Variants in PDPR observed in about 807,000 individuals in gnomAD.
The protein encoded by PDPR is pyruvate dehydrogenase phosphatase regulatory subunit, also known as pyruvate dehydrogenase phosphatase regulatory subunit, mitochondrial.
PDPR carries 50 observed loss-of-function variants against 102.2 expected under a neutral mutation model. The ratio of observed to expected loss-of-function variants is 0.49; its 90% CI spans 0.39 to 0.62. The LOEUF (loss-of-function observed/expected upper bound fraction) is 0.62, where lower values mean the gene tolerates loss of function less well. PDPR is among the 20% of genes least tolerant of loss of function. The probability of loss-of-function intolerance (pLI) is 0.00; values close to 1 mark genes in which losing one functional copy is unlikely to be tolerated. For synonymous variants in PDPR, 259 were observed against 406.0 expected (o/e 0.64, Z 4.35); for missense variants, 625 against 1,098.2 (o/e 0.57, Z 6.09).
intron 16 of PDPR, among the ~76,000 whole-genome samples, 184 bp from the exon 17 acceptor site, chr16:70,148,280 G>A (rs1419072288): frequency 1.3e-5 from 2 of 152,266 alleles, no homozygotes; most frequent in African/African-American, 4.8e-5. Context: ...CACATAGGCA[G>A]TGCTCCATTC....
Position 70,120,675 on chromosome 16 carries a change from C to T in PDPR, c.183C>T (p.Leu61=). The part of the protein sequence containing the change: ...GITGTSVAYH[L]SKMGWKDIVL... Reference sequence around the variant, plus strand: ...CGGGCACTTCTGTGGCCTATCACCTCTCCAAAATGGGGTGGAAGGATATTG... The same window carrying T: ...CGGGCACTTCTGTGGCCTATCACCTTTCCAAAATGGGGTGGAAGGATATTG... Residue 61 remains leucine, a synonymous_variant, in exon 3 of 19, where the codon CTC becomes CTT. Transcript: ENST00000288050. 1 of 1,613,282 alleles carries T rather than the reference C, an allele frequency of 6.2e-7. No homozygotes were observed. The highest frequency in any genetic ancestry group is 1.1e-5 in the South Asian group (1 of 91,050).
intron 2 of PDPR, among the ~76,000 whole-genome samples, chr16:70,119,528 C>T (rs1597288058): frequency 6.7e-6 from 1 of 149,354 alleles, no homozygotes; most frequent in East Asian, 1.9e-4. Context: ...CATCTCCCCA[C>T]ACTCCCCGTG....
In PDPR at chr16:70,120,654, C is replaced by T. The variant is rs1963149777; in HGVS notation, c.162C>T (p.Gly54=). The T allele has an allele frequency of 6.2e-7, 1 of 1,613,884 alleles. No individual in the cohort carries two copies. Among genetic ancestry groups the T allele is most frequent in the Non-Finnish European group, 8.5e-7 (1 of 1,179,796 alleles). Residue 54 remains glycine, a synonymous_variant, in exon 3 of 19, where the codon GGC becomes GGT. Coordinates refer to ENST00000288050, the MANE Select transcript of PDPR (RefSeq NM_017990.5). ...QVVICGGGIT[G]TSVAYHLSKM... ...TCATCTGTGGAGGTGGAATCACGGG[C>T]ACTTCTGTGGCCTATCACCTCTCCA...
chr16:70,162,114 C>T lies in PDPR; in HGVS notation c.*5235C>T, dbSNP rs1163380466. ...GGTGTGTGGGTTCCCATCCGCCCCA[C>T]ATAGCCTCTCCTTCTTCGGAACAAT... On this transcript the variant is annotated 3_prime_UTR_variant, in exon 19 of 19. Transcript: ENST00000288050. The T allele has an allele frequency of 2.6e-5, 4 of 152,526 alleles. No individual in the cohort carries two copies. The highest frequency in any genetic ancestry group is 5.9e-5 in the Non-Finnish European group (4 of 68,208). The allele number at this position is 152,526 out of a possible 1,614,324, so 9.4% of individuals were successfully genotyped here.
chr16:70,155,518 G>C (rs1237112079), intron 18 of PDPR, among the ~76,000 whole-genome samples: 1 of 152,268 alleles, frequency 6.6e-6, no homozygotes, highest in Non-Finnish European at 1.5e-5. Context: ...GGAGGCTGAA[G>C]TGGGAGAATC....
intron 18 of PDPR, 55 bp from the exon 19 acceptor site, chr16:70,156,420 C>G (rs892819979): frequency 6.9e-6 from 11 of 1,592,882 alleles, no homozygotes; most frequent in African/African-American, 4.0e-5. Context: ...GTGCTGCTCT[C>G]TGTGCCGAGG....
intron 9 of PDPR, among the ~76,000 whole-genome samples, 189 bp from the exon 10 acceptor site, chr16:70,136,005 G>A (rs1965094665): frequency 6.6e-6 from 1 of 151,996 alleles, no homozygotes; most frequent in East Asian, 1.9e-4. Flanking sequence ...GGAGGCAGAG[G>A]TTGCAGTGAG....
Position 70,132,150 on chromosome 16 carries a change from G to C in PDPR, c.848-1G>C, listed in dbSNP as rs374717983. The C allele has an allele frequency of 1.9e-6, 3 of 1,609,952 alleles. No homozygotes were observed. Among genetic ancestry groups the C allele is most frequent in the Non-Finnish European group, 2.5e-6 (3 of 1,176,496 alleles). ...CACTCCATGTCATTTCTCCACCTCAGCTATTGTGGATGCTGATGGAAGAAT... is the reference window on the plus strand; with the variant it reads ...CACTCCATGTCATTTCTCCACCTCACCTATTGTGGATGCTGATGGAAGAAT... On this transcript the variant is annotated splice_acceptor_variant, in intron 8 of 18. Coordinates refer to ENST00000288050, the MANE Select transcript of PDPR (RefSeq NM_017990.5). LOFTEE classifies it high-confidence loss of function.
Position 70,156,902 on chromosome 16 carries a change from C to T in PDPR, c.*23C>T. Reference sequence around the variant, plus strand: ...TGATGCCACCAGGGCAGCCTCACCTCCTCCCCATCATCTTGTCCTAGAGTG... The same window carrying T: ...TGATGCCACCAGGGCAGCCTCACCTTCTCCCCATCATCTTGTCCTAGAGTG... On this transcript the variant is annotated 3_prime_UTR_variant, in exon 19 of 19. Coordinates refer to ENST00000288050, the MANE Select transcript of PDPR (RefSeq NM_017990.5). 6.2e-7 allele frequency: 1 copy of T among 1,608,682 alleles called. No individual in the cohort carries two copies.
chr16:70,126,395 G>T (rs552952379), intron 3 of PDPR, among the ~76,000 whole-genome samples: 1 of 152,222 alleles, frequency 6.6e-6, no homozygotes, highest in Non-Finnish European at 1.5e-5. Context: ...GCGGAGTCTC[G>T]CTCTGTCACC....
At chr16:70,128,244 TA>T (rs1370105500) in intron 4 of PDPR, among the ~76,000 whole-genome samples, 7 of 152,212 alleles carry the variant, frequency 4.6e-5, no homozygotes, top group Admixed American at 1.3e-4. Flanking sequence ...TTCTTTTTTT[TA>T]AAGACAAAGT....
intron 11 of PDPR, among the ~76,000 whole-genome samples, chr16:70,141,655 C>T (rs1161598471): frequency 1.3e-5 from 2 of 152,288 alleles, no homozygotes; most frequent in Non-Finnish European, 2.9e-5. Context: ...ATCATTTCTA[C>T]CTACTAATGT....
chr16:70,116,553 A>T (rs1000248469), intron 2 of PDPR, among the ~76,000 whole-genome samples: 5 of 146,950 alleles, frequency 3.4e-5, no homozygotes. Context: ...AAAAAAAAAA[A>T]AAAATTAAAA....
chr16:70,156,943 C>A lies in PDPR; in HGVS notation c.*64C>A. The A allele has an allele frequency of 6.4e-7, 1 of 1,562,234 alleles. No individual in the cohort carries two copies. The highest frequency in any genetic ancestry group is 8.7e-7 in the Non-Finnish European group (1 of 1,147,490). On this transcript the variant is annotated 3_prime_UTR_variant, in exon 19 of 19. Transcript: ENST00000288050. The stretch of plus-strand genomic sequence containing the variant: ...TCCTAGAGTGGGCGTCACCTTGGAG[C>A]TTCTCTTCCTTCCGCCTCTGTTCCT...
At position 70,156,825 on chromosome 16, in the gene PDPR, C is replaced by A. The variant is rs1158834798; in HGVS notation, c.2586C>A (p.Phe862Leu). Residue 862 changes from phenylalanine to leucine, a missense_variant, in exon 19 of 19, where the codon TTC becomes TTA. By Grantham distance (22) the Phe-to-Leu change is conservative. Transcript: ENST00000288050. ...AGCTCTACCCTGTCGCCTCCCTCTTCACCCAGAAGCGCCGAAAGGATGACA... is the reference window on the plus strand; with the variant it reads ...AGCTCTACCCTGTCGCCTCCCTCTTAACCCAGAAGCGCCGAAAGGATGACA... ...KAKLYPVASL[F>L]TQKRRKDDME... is the part of the protein sequence containing the mutation. 6.2e-7 allele frequency: 1 copy of A among 1,614,054 alleles called. No homozygotes were observed. The highest frequency in any genetic ancestry group is 2.2e-5 in the East Asian group (1 of 44,886).
At chr16:70,153,362 GC>G in intron 17 of PDPR, 28 bp from the exon 18 acceptor site, 21 of 1,599,696 alleles carry the variant, frequency 1.3e-5, no homozygotes, top group Non-Finnish European at 1.8e-5. Flanking sequence ...AAGGTCTGCT[GC>G]TTATGAACTT....
chr16:70,159,516 T>A lies in PDPR; in HGVS notation c.*2637T>A, dbSNP rs1421205213. 1 of 152,734 alleles carries A rather than the reference T, an allele frequency of 6.5e-6. No individual in the cohort carries two copies. The highest frequency in any genetic ancestry group is 1.5e-5 in the Non-Finnish European group (1 of 68,386). The allele number at this position is 152,734 out of a possible 1,614,324, so 9.5% of individuals were successfully genotyped here. A position where few individuals can be genotyped will look rare whatever the true frequency, so the allele number is the denominator to read the frequency against. Reference sequence around the variant, plus strand: ...AGCACTTTAGAGTTGATCCTTGAAGTCTCTCCTGGTTCATTCAAATACAAG... The same window carrying A: ...AGCACTTTAGAGTTGATCCTTGAAGACTCTCCTGGTTCATTCAAATACAAG... On this transcript the variant is annotated 3_prime_UTR_variant, in exon 19 of 19. Transcript: ENST00000288050.
chr16:70,124,765 A>G (rs1434002789), intron 3 of PDPR, among the ~76,000 whole-genome samples: 1 of 152,224 alleles, frequency 6.6e-6, no homozygotes, highest in Non-Finnish European at 1.5e-5. Flanking sequence ...CAAAGATGAT[A>G]GAAAAATCTC....
chr16:70,133,854 C>T (rs1964817410), intron 9 of PDPR, among the ~76,000 whole-genome samples: 1 of 152,200 alleles, frequency 6.6e-6, no homozygotes, highest in Non-Finnish European at 1.5e-5. Flanking sequence ...CTGCCTCAGC[C>T]TCCTGAGTAG....
Sources: allele counts gnomAD v4.1 joint callset (sites outside exome capture counted in the v4.1 genomes callset), GRCh38; gene constraint gnomAD v4.1.1; transcripts MANE v1.5; gene names NCBI Gene and HGNC (gene_info 2026-07-23, HGNC 2026-07-21).